TMEM132D: variants seen among roughly 807,000 people sequenced by gnomAD.
The protein encoded by TMEM132D is mature OL transmembrane protein.
Under a neutral mutation model 62.3 loss-of-function variants are expected in TMEM132D, and 21 were observed. That is an observed-to-expected ratio of 0.34 (90% CI 0.24 to 0.49). The LOEUF (loss-of-function observed/expected upper bound fraction) is 0.49, where lower values mean the gene tolerates loss of function less well. TMEM132D is among the 20% of genes least tolerant of loss of function. The probability of loss-of-function intolerance (pLI) is 0.99; values close to 1 mark genes in which losing one functional copy is unlikely to be tolerated. For missense variants in TMEM132D, 1,346 were observed against 1,402.8 expected, an observed-to-expected ratio of 0.96 and a Z score of 0.65; for synonymous variants, 621 against 575.6, an observed-to-expected ratio of 1.08 and a Z score of -1.13.
At chr12:129,526,906 A>G (rs1013284790) in intron 3 of TMEM132D, among the ~76,000 whole-genome samples, 1 of 152,234 alleles carries the variant, frequency 6.6e-6, no homozygotes, top group Non-Finnish European at 1.5e-5. Context: ...CTGGGACCCT[A>G]GTGATACTGG....
intron 5 of TMEM132D, among the ~76,000 whole-genome samples, chr12:129,089,891 C>G (rs1398489398): frequency 6.6e-6 from 1 of 152,260 alleles, no homozygotes; most frequent in Non-Finnish European, 1.5e-5. Flanking sequence ...TGCTCCAGGA[C>G]AGCTGTCTCT....
chr12:129,280,420 A>T (rs913607820), intron 4 of TMEM132D, among the ~76,000 whole-genome samples: 1 of 152,230 alleles, frequency 6.6e-6, no homozygotes, highest in African/African-American at 2.4e-5. Flanking sequence ...AAACAATATG[A>T]TTACACATAG....
chr12:129,177,624 G>A (rs138627221), intron 5 of TMEM132D, among the ~76,000 whole-genome samples: 1 of 152,118 alleles, frequency 6.6e-6, no homozygotes, highest in East Asian at 1.9e-4. Context: ...CAGGCATGGT[G>A]GTGTGTACCT....
At chr12:129,191,026 C>T (rs796719188) in intron 5 of TMEM132D, among the ~76,000 whole-genome samples, 1 of 152,076 alleles carries the variant, frequency 6.6e-6, no homozygotes, top group African/African-American at 2.4e-5. Context: ...GCTCCAGACG[C>T]CCCCTCCGGG....
At chr12:129,845,448 G>T (rs958348502) in intron 1 of TMEM132D, among the ~76,000 whole-genome samples, 1 of 152,192 alleles carries the variant, frequency 6.6e-6, no homozygotes, top group Non-Finnish European at 1.5e-5. Context: ...TTTGGGAAAT[G>T]AAACACGTCT....
At chr12:129,553,092 TTCAAGGCCAGGCTC>T (rs1876945976) in intron 2 of TMEM132D, among the ~76,000 whole-genome samples, 1 of 152,152 alleles carries the variant, frequency 6.6e-6, no homozygotes, top group African/African-American at 2.4e-5. Flanking sequence ...TACTCAACCT[TTCAAGGCCAGGCTC>T]TTCCCCTTTT....
intron 4 of TMEM132D, among the ~76,000 whole-genome samples, chr12:129,336,744 C>A (rs1322426206): frequency 6.6e-6 from 1 of 152,096 alleles, no homozygotes; most frequent in Non-Finnish European, 1.5e-5. Context: ...TCAGGGCCAC[C>A]AGAGGCAGGA....
chr12:129,523,002 T>C (rs57368965), intron 3 of TMEM132D, among the ~76,000 whole-genome samples: 35,270 of 151,912 alleles, frequency 0.23, 4,852 homozygotes, highest in South Asian at 0.36. Context: ...TATGTAGACA[T>C]AGATATAGAT....
At chr12:129,296,287 C>T (rs1881574000) in intron 4 of TMEM132D, among the ~76,000 whole-genome samples, 1 of 152,134 alleles carries the variant, frequency 6.6e-6, no homozygotes, top group South Asian at 2.1e-4. Context: ...TCATTTAAAC[C>T]TCCCAATGTC....
chr12:129,227,304 T>TATAC (rs1879507505), intron 4 of TMEM132D, among the ~76,000 whole-genome samples: 1 of 126,420 alleles, frequency 7.9e-6, no homozygotes, highest in South Asian at 2.4e-4. Context: ...TTAGGAAATA[T>TATAC]ATATATATAT....
intron 1 of TMEM132D, among the ~76,000 whole-genome samples, chr12:129,880,983 A>G (rs1874573936): frequency 6.6e-6 from 1 of 152,170 alleles, no homozygotes; most frequent in Non-Finnish European, 1.5e-5. Context: ...ACGGGAACAC[A>G]TTATGAACAC....
At chr12:129,401,494 G>C (rs1266817994) in intron 3 of TMEM132D, among the ~76,000 whole-genome samples, 1 of 152,116 alleles carries the variant, frequency 6.6e-6, no homozygotes, top group Non-Finnish European at 1.5e-5. Context: ...GTTTGAGCCT[G>C]GGAGGTGGAG....
At chr12:129,771,919 C>T (rs1201756665) in intron 1 of TMEM132D, among the ~76,000 whole-genome samples, 1 of 152,150 alleles carries the variant, frequency 6.6e-6, no homozygotes, top group East Asian at 1.9e-4. Context: ...ATGCTTATTA[C>T]ACAGACAAAG....
At chr12:129,401,877 T>C (rs1871634841) in intron 3 of TMEM132D, among the ~76,000 whole-genome samples, 1 of 152,178 alleles carries the variant, frequency 6.6e-6, no homozygotes. Flanking sequence ...CGTGTAAAGA[T>C]TTGAATTGAT....
intron 3 of TMEM132D, among the ~76,000 whole-genome samples, chr12:129,494,696 A>G (rs1413193228): frequency 6.6e-6 from 1 of 152,198 alleles, no homozygotes; most frequent in Non-Finnish European, 1.5e-5. Context: ...AGAATGGAAC[A>G]TGATATGTCC....
Position 129,562,069 on chromosome 12 carries a change from C to T in TMEM132D, c.969-30864G>A, listed in dbSNP as rs573489473. Among the ~76,000 whole-genome samples, 15 of 152,282 alleles carry T rather than the reference C, an allele frequency of 9.9e-5. 1 individual carries two copies. Among genetic ancestry groups the T allele is most frequent in the African/African-American group, 3.6e-4 (15 of 41,560 alleles). On this transcript the variant is annotated intron_variant, in intron 2 of 8. Coordinates refer to ENST00000422113, the MANE Select transcript of TMEM132D (RefSeq NM_133448.3). ...TCTTGAGGAACATTTTACAGTGAAA[C>T]ACTGAAATTTTGTATAGAATATACT...
intron 5 of TMEM132D, among the ~76,000 whole-genome samples, chr12:129,164,818 T>G (rs951317697): frequency 1.3e-5 from 2 of 152,212 alleles, no homozygotes; most frequent in African/African-American, 2.4e-5. Flanking sequence ...TAGGGATTTT[T>G]GGGATTACAA....
At chr12:129,154,652 C>A (rs1877179703) in intron 5 of TMEM132D, among the ~76,000 whole-genome samples, 1 of 152,168 alleles carries the variant, frequency 6.6e-6, no homozygotes. Flanking sequence ...CCTGTGATAT[C>A]TATATCTGGT....
At chr12:129,870,627 C>T (rs540767694) in intron 1 of TMEM132D, among the ~76,000 whole-genome samples, 1 of 152,164 alleles carries the variant, frequency 6.6e-6, no homozygotes, top group Non-Finnish European at 1.5e-5. Flanking sequence ...GAGTTAAATC[C>T]TTTATCAGAA....
Sources: allele counts gnomAD v4.1 joint callset (sites outside exome capture counted in the v4.1 genomes callset), GRCh38; gene constraint gnomAD v4.1.1; transcripts MANE v1.5; gene names NCBI Gene and HGNC (gene_info 2026-07-23, HGNC 2026-07-21).